Variants in EIF4G3 observed in about 807,000 individuals in gnomAD.
EIF4G3 encodes the protein eukaryotic translation initiation factor 4 gamma 3.
In EIF4G3, 34 loss-of-function variants were observed where a neutral mutation model predicts 186.4. The ratio of observed to expected loss-of-function variants is 0.18; its 90% CI spans 0.14 to 0.24. The LOEUF (loss-of-function observed/expected upper bound fraction) is 0.24. Among genes scored for constraint, EIF4G3 ranks in the 10% least tolerant of loss-of-function variants. The pLI is 1.00. For synonymous variants in EIF4G3, 673 were observed against 679.5 expected (o/e 0.99, Z 0.15); for missense variants, 1,536 against 1,948.5 (o/e 0.79, Z 3.99).
intron 4 of EIF4G3, among the ~76,000 whole-genome samples, chr1:21,025,372 A>G (rs937593775): frequency 6.6e-6 from 1 of 152,180 alleles, no homozygotes; most frequent in South Asian, 2.1e-4. Context: ...TGGTGTCAAG[A>G]TATCAAACAG....
intron 14 of EIF4G3, among the ~76,000 whole-genome samples, chr1:20,919,229 G>A (rs1051114004): frequency 3.0e-4 from 45 of 151,862 alleles, no homozygotes; most frequent in Admixed American, 2.3e-3. Context: ...TTTTCTTTTA[G>A]ACAGGGTCTC....
At chr1:21,025,599 C>G (rs1222453277) in intron 4 of EIF4G3, among the ~76,000 whole-genome samples, 5 of 152,122 alleles carry the variant, frequency 3.3e-5, no homozygotes, top group Admixed American at 6.5e-5. Context: ...TGATTGGGTC[C>G]CAGGCTATCA....
At chr1:20,985,481 A>G (rs2079254155) in intron 7 of EIF4G3, among the ~76,000 whole-genome samples, 2 of 151,966 alleles carry the variant, frequency 1.3e-5, no homozygotes, top group African/African-American at 2.4e-5. Flanking sequence ...GTGCACCAGA[A>G]GAGATTCTAG....
chr1:21,141,784 A>G (rs2097344276), intron 2 of EIF4G3, among the ~76,000 whole-genome samples: 1 of 152,034 alleles, frequency 6.6e-6, no homozygotes, highest in Non-Finnish European at 1.5e-5. Context: ...TTTATAACTT[A>G]GTCAGCCGTG....
intron 3 of EIF4G3, among the ~76,000 whole-genome samples, chr1:21,085,392 T>C (rs1319611941): frequency 1.3e-5 from 2 of 151,996 alleles, no homozygotes; most frequent in African/African-American, 2.4e-5. Flanking sequence ...CAGAAAAAAA[T>C]ATTTTAAGTT....
chr1:20,975,504 T>C lies in EIF4G3; in HGVS notation c.494-2405A>G, dbSNP rs543917261. Among the ~76,000 whole-genome samples the C allele has an allele frequency of 4.0e-5, 6 of 151,726 alleles. No individual in the cohort carries two copies. In the East Asian group the frequency reaches 7.7e-4, roughly 19 times the overall value. On this transcript the variant is annotated intron_variant, in intron 10 of 36. Coordinates refer to ENST00000602326, the MANE Select transcript of EIF4G3 (RefSeq NM_001391906.1). ...GTGACAGAACAAGATAATCTCAATA[T>C]AGTGGGATTAAATGCAATTAGCAAA...
chr1:20,998,212 TACACACACACACACACACAC>T (rs5772928), intron 6 of EIF4G3, among the ~76,000 whole-genome samples: 3 of 148,586 alleles, frequency 2.0e-5, no homozygotes, highest in East Asian at 3.9e-4. Flanking sequence ...TTTATGACTT[TACACACACACACACACACAC>T]ACACACACAC....
intron 3 of EIF4G3, among the ~76,000 whole-genome samples, chr1:21,056,052 C>T (rs2094548982): frequency 6.6e-6 from 1 of 152,096 alleles, no homozygotes; most frequent in Non-Finnish European, 1.5e-5. Flanking sequence ...GTGCCAAAGC[C>T]TAAAGTGCTG....
intron 8 of EIF4G3, 80 bp downstream of exon 8, chr1:20,982,308 C>G (rs2078462807): frequency 2.0e-6 from 2 of 982,114 alleles, no homozygotes; most frequent in East Asian, 5.9e-5. Context: ...TGAATGTATC[C>G]ATTCATTAGC....
At chr1:21,172,083 T>C (rs1213740950) in intron 2 of EIF4G3, among the ~76,000 whole-genome samples, 1 of 148,678 alleles carries the variant, frequency 6.7e-6, no homozygotes, top group Non-Finnish European at 1.5e-5. Flanking sequence ...TTTTAGCTTG[T>C]GTTTGACTGT....
chr1:20,831,174 C>T (rs2065060310), intron 30 of EIF4G3, among the ~76,000 whole-genome samples: 1 of 152,142 alleles, frequency 6.6e-6, no homozygotes, highest in Non-Finnish European at 1.5e-5. Context: ...GCAGATATCC[C>T]TCCGCCCATT....
intron 30 of EIF4G3, among the ~76,000 whole-genome samples, chr1:20,831,794 T>C (rs1285318246): frequency 7.2e-6 from 1 of 138,722 alleles, no homozygotes; most frequent in Non-Finnish European, 1.5e-5. Flanking sequence ...GAGTGTGATA[T>C]TCTCCTTCCT....
chr1:20,851,053 G>A (rs933627986), intron 28 of EIF4G3, among the ~76,000 whole-genome samples: 1 of 152,146 alleles, frequency 6.6e-6, no homozygotes, highest in Non-Finnish European at 1.5e-5. Flanking sequence ...ATAGAGAAAG[G>A]AGAAAATTTA....
chr1:20,879,643 G>C, intron 19 of EIF4G3, 123 bp from the exon 20 acceptor site: 2 of 545,128 alleles, frequency 3.7e-6, no homozygotes, highest in Non-Finnish European at 5.8e-6. Flanking sequence ...CAAGGACTGT[G>C]AACTAGTGAC....
chr1:20,928,643 C>T (rs750127287), intron 14 of EIF4G3, among the ~76,000 whole-genome samples: 30 of 152,114 alleles, frequency 2.0e-4, no homozygotes, highest in African/African-American at 3.6e-4. Flanking sequence ...CCTCGTGATC[C>T]GCCCCTCGGC....
At chr1:21,129,451 A>C (rs1009224006) in intron 2 of EIF4G3, among the ~76,000 whole-genome samples, 4 of 152,136 alleles carry the variant, frequency 2.6e-5, no homozygotes, top group African/African-American at 7.2e-5. Flanking sequence ...CTTCACTACA[A>C]ATCTCCACAT....
At chr1:20,973,211 C>T (rs2076233607) in intron 10 of EIF4G3, 112 bp from the exon 11 acceptor site, 1 of 720,988 alleles carries the variant, frequency 1.4e-6, no homozygotes, top group African/African-American at 1.9e-5. Flanking sequence ...AAAACAAAAA[C>T]ACTAAGCATT....
rs573717766 is a variant in EIF4G3 at position 21,031,189 on chromosome 1, A to C, written c.-67+19677T>G. On this transcript the variant is annotated intron_variant, in intron 4 of 36. Transcript: ENST00000602326. ...CAGCAGAGTGAGACTGTCTCAAAAAAAAAACACAACAACAACAACAACAAC... is the reference window on the plus strand; with the variant it reads ...CAGCAGAGTGAGACTGTCTCAAAAACAAAACACAACAACAACAACAACAAC... Among the ~76,000 whole-genome samples the C allele has an allele frequency of 1.6e-4, 24 of 152,112 alleles. 1 individual carries two copies. In the South Asian group the frequency reaches 5.0e-3, roughly 32 times the overall value.
chr1:20,995,206 A>G (rs1184424711), intron 7 of EIF4G3, among the ~76,000 whole-genome samples: 1 of 152,188 alleles, frequency 6.6e-6, no homozygotes, highest in Non-Finnish European at 1.5e-5. Flanking sequence ...GCTTAAATAC[A>G]ATATCCTAAT....
Sources: allele counts gnomAD v4.1 joint callset (sites outside exome capture counted in the v4.1 genomes callset), GRCh38; gene constraint gnomAD v4.1.1; transcripts MANE v1.5; gene names NCBI Gene and HGNC (gene_info 2026-07-23, HGNC 2026-07-21).